The following PABPC1 variants were observed in gnomAD, a reference collection of about 807,000 sequenced individuals.
PABPC1 encodes the protein polyadenylate-binding protein 1.
In PABPC1, 4 loss-of-function variants were observed where a neutral mutation model predicts 74.0. The observed-to-expected ratio is 0.05, with a 90% CI of 0.03 to 0.12. PABPC1 has a LOEUF of 0.12. PABPC1 is among the 10% of genes least tolerant of loss of function. The pLI, the probability that PABPC1 is intolerant of heterozygous loss-of-function variation, is 1.00. For synonymous variants in PABPC1, 227 were observed against 264.1 expected (o/e 0.86, Z 1.36); for missense variants, 271 against 821.1 (o/e 0.33, Z 8.19).
At chr8:100,707,776 C>T (rs1810419907) in intron 9 of PABPC1, among the ~76,000 whole-genome samples, 1 of 152,198 alleles carries the variant, frequency 6.6e-6, no homozygotes, top group Non-Finnish European at 1.5e-5. Context: ...AGGGGAAAAG[C>T]AGACTCCCTT....
chr8:100,709,310 A>G lies in PABPC1; in HGVS notation c.1246-87T>C, dbSNP rs1302910626. On this transcript the variant is annotated intron_variant, in intron 8 of 14. Coordinates refer to ENST00000318607, the MANE Select transcript of PABPC1 (RefSeq NM_002568.4). ...TTATATGTACTTTTTCAAAACATTT[A>G]CCAGGACTTCACACTCAAGCATTTT... is the stretch of plus-strand genomic sequence containing the variant. 4.8e-6 allele frequency: 7 copies of G among 1,465,484 alleles called. No individual in the cohort carries two copies. In the Admixed American group the frequency reaches 1.2e-4, roughly 25 times the overall value. The allele number at this position is 1,465,484 out of a possible 1,614,324, so 90.8% of individuals were successfully genotyped here.
chr8:100,708,320 G>A (rs1339407617), intron 9 of PABPC1, among the ~76,000 whole-genome samples: 18 of 152,174 alleles, frequency 1.2e-4, no homozygotes, highest in Admixed American at 1.2e-3. Context: ...GCTGGGCGTG[G>A]TGGCGTGTGC....
chr8:100,719,868 T>A (rs138304625), intron 1 of PABPC1, among the ~76,000 whole-genome samples: 111 of 152,342 alleles, frequency 7.3e-4, no homozygotes, highest in African/African-American at 2.6e-3. Context: ...CATTGATACA[T>A]CCTGCCTAAG....
rs1171498756 is a variant in PABPC1 at position 100,703,143 on chromosome 8, TTG to T, written c.*216_*217del. On this transcript the variant is annotated 3_prime_UTR_variant, in exon 15 of 15. Transcript: ENST00000318607. ...TTTGTTTTTATATTTTACTATTTTTTTGTGTTTTTTTGTTTTTAAATCAATAA... is the reference window on the plus strand; with the variant it reads ...TTTGTTTTTATATTTTACTATTTTTTTGTTTTTTTGTTTTTAAATCAATAA... 1 of 166,576 alleles carries T rather than the reference TTG, an allele frequency of 6.0e-6. No homozygotes were observed. The highest frequency in any genetic ancestry group is 1.5e-5 in the Non-Finnish European group (1 of 68,132). 10.3% of individuals were successfully genotyped at this position (166,576 alleles called of 1,614,324 possible).
rs1221415233 is a variant in PABPC1 at position 100,721,621 on chromosome 8, T to C, written c.-38A>G. ...GCCCGCAGGGCCACAGGCCGCGACC[T>C]TTCCGTGAGAGGAGGAGAGCGAGTG... On this transcript the variant is annotated 5_prime_UTR_variant, in exon 1 of 15. Transcript: ENST00000318607. The surrounding 1 kb of genome is among the most constrained non-coding windows in gnomAD (Gnocchi z 7.4). 6.9e-7 allele frequency: 1 copy of C among 1,445,648 alleles called. No homozygotes were observed. The highest frequency in any genetic ancestry group is 9.2e-7 in the Non-Finnish European group (1 of 1,082,844). The allele number at this position is 1,445,648 out of a possible 1,614,324, so 89.6% of individuals were successfully genotyped here.
At chr8:100,704,428 G>T in intron 13 of PABPC1, 38 bp from the exon 14 acceptor site, 2 of 1,512,800 alleles carry the variant, frequency 1.3e-6, no homozygotes, top group Non-Finnish European at 1.8e-6. Context: ...GTTCAGGAAA[G>T]GAATGGAAAT....
intron 7 of PABPC1, 25 bp downstream of exon 7, chr8:100,712,337 A>G (rs1385374049): frequency 7.3e-7 from 1 of 1,372,774 alleles, no homozygotes; most frequent in Non-Finnish European, 1.0e-6. Flanking sequence ...TAGACCTCAA[A>G]TAAATGAACC....
At position 100,721,299 on chromosome 8, in the gene PABPC1, T is replaced by G. The variant is rs1029674730; in HGVS notation, c.193+92A>C. On this transcript the variant is annotated intron_variant, in intron 1 of 14. Coordinates refer to ENST00000318607, the MANE Select transcript of PABPC1 (RefSeq NM_002568.4). This position sits in a 1 kb window ranked among gnomAD's most constrained non-coding sequence, Gnocchi z 7.4. ...GGGGTGACATGCCCTCCCGCCCCCC[T>G]CCCCGGGCCCGCCGGCCTACCCCGC... 3.9e-4 allele frequency: 70 copies of G among 177,618 alleles called. No individual in the cohort carries two copies. Among genetic ancestry groups the G allele is most frequent in the Non-Finnish European group, 6.4e-4 (63 of 99,138 alleles). 11.0% of individuals were successfully genotyped at this position (177,618 alleles called of 1,614,324 possible). A position where few individuals can be genotyped will look rare whatever the true frequency, so the allele number is the denominator to read the frequency against.
chr8:100,719,682 T>A (rs1414588109), intron 1 of PABPC1, among the ~76,000 whole-genome samples: 9 of 152,214 alleles, frequency 5.9e-5, no homozygotes, highest in Admixed American at 5.9e-4. Context: ...GAAGTTCAAC[T>A]CTTCGAATCC....
chr8:100,705,163 A>G, intron 12 of PABPC1, 107 bp from the exon 13 acceptor site: 2 of 850,034 alleles, frequency 2.4e-6, no homozygotes, highest in South Asian at 3.4e-5. Context: ...TGTCTCACGT[A>G]TATAATAACC....
At chr8:100,711,204 C>T (rs764740086) in intron 7 of PABPC1, among the ~76,000 whole-genome samples, 6 of 151,996 alleles carry the variant, frequency 3.9e-5, no homozygotes, top group Non-Finnish European at 8.8e-5. Flanking sequence ...CGCTTGAACC[C>T]GGGAGGCGGA....
intron 9 of PABPC1, among the ~76,000 whole-genome samples, chr8:100,708,752 T>C (rs1810448581): frequency 6.6e-6 from 1 of 152,072 alleles, no homozygotes; most frequent in Non-Finnish European, 1.5e-5. Context: ...GGCGGGCACC[T>C]GTAATCCCAG....
In PABPC1 at chr8:100,721,142, G is replaced by C. The variant is rs376659278; in HGVS notation, c.193+249C>G. 6.6e-6 allele frequency among the ~76,000 whole-genome samples: 1 copy of C among 152,142 alleles called. No individual in the cohort carries two copies. The highest frequency in any genetic ancestry group is 1.5e-5 in the Non-Finnish European group (1 of 68,014). ...CCGGCGCGTCATCACCCTAAAGTTT[G>C]AGAGCGTCTGAGGCCGAGAAAATGG... On this transcript the variant is annotated intron_variant, in intron 1 of 14. Transcript: ENST00000318607. This position sits in a 1 kb window ranked among gnomAD's most constrained non-coding sequence, Gnocchi z 7.4.
chr8:100,720,379 C>G (rs937805319), intron 1 of PABPC1, among the ~76,000 whole-genome samples: 3 of 152,186 alleles, frequency 2.0e-5, no homozygotes, highest in Non-Finnish European at 4.4e-5. Flanking sequence ...ATTTTGTACT[C>G]AGTCATTTCC....
chr8:100,714,395 T>C (rs1810609884), intron 4 of PABPC1, among the ~76,000 whole-genome samples: 1 of 152,194 alleles, frequency 6.6e-6, no homozygotes, highest in Admixed American at 6.5e-5. Flanking sequence ...TTTTTTGCTC[T>C]AGTGGAGGGC....
rs910893722 is a variant in PABPC1 at position 100,721,094 on chromosome 8, G to A, written c.193+297C>T. Among the ~76,000 whole-genome samples the A allele has an allele frequency of 5.9e-5, 9 of 152,202 alleles. No homozygotes were observed. Among genetic ancestry groups the A allele is most frequent in the Non-Finnish European group, 1.2e-4 (8 of 68,022 alleles). The stretch of plus-strand genomic sequence containing the variant: ...GGGCCACTGGCGGGAGCGCCGCGGA[G>A]GAACCGAATCTCACCCACCCTCCCG... On this transcript the variant is annotated intron_variant, in intron 1 of 14. Coordinates refer to ENST00000318607, the MANE Select transcript of PABPC1 (RefSeq NM_002568.4). The surrounding 1 kb of genome is among the most constrained non-coding windows in gnomAD (Gnocchi z 7.4).
At chr8:100,710,782 T>C (rs1810507586) in intron 7 of PABPC1, among the ~76,000 whole-genome samples, 3 of 151,146 alleles carry the variant, frequency 2.0e-5, no homozygotes. Context: ...AAGTCAGGAG[T>C]TCGAGACCAG....
chr8:100,715,391 G>C lies in PABPC1; in HGVS notation c.643+71C>G, dbSNP rs906653839. 1.1e-5 allele frequency: 14 copies of C among 1,325,094 alleles called. 1 individual carries two copies. 82.1% of individuals were successfully genotyped at this position (1,325,094 alleles called of 1,614,324 possible). A position where few individuals can be genotyped will look rare whatever the true frequency, so the allele number is the denominator to read the frequency against. ...ATTTTATTGACTTTTTTAGTATAAA[G>C]TAATAGCTAAAATTAACACTGAGCA... On this transcript the variant is annotated intron_variant, in intron 4 of 14. Coordinates refer to ENST00000318607, the MANE Select transcript of PABPC1 (RefSeq NM_002568.4).
At chr8:100,709,313 AG>A in intron 8 of PABPC1, 90 bp from the exon 9 acceptor site, 1 of 1,454,176 alleles carries the variant, frequency 6.9e-7, no homozygotes, top group Non-Finnish European at 9.6e-7. Context: ...AACATTTACC[AG>A]GACTTCACAC....
Sources: gnomAD v4.1 joint callset for allele counts (sites outside exome capture counted in the v4.1 genomes callset) on GRCh38, gnomAD v4.1.1 for gene constraint, Gnocchi (gnomAD v3.1) non-coding constraint, MANE v1.5 for transcripts, NCBI Gene and HGNC (gene_info 2026-07-23, HGNC 2026-07-21) for gene names.